Variants in VSX1 observed in about 807,000 individuals in gnomAD.
VSX1 encodes visual system homeobox 1, also known as homeodomain protein RINX.
In VSX1, 23 loss-of-function variants were observed where a neutral mutation model predicts 23.6. The observed-to-expected ratio is 0.97, with a 90% CI of 0.70 to 1.38. The LOEUF is 1.38. Among genes scored for constraint, VSX1 ranks in the 40% most tolerant of loss-of-function variants. The probability of loss-of-function intolerance (pLI) is 0.00; values close to 1 mark genes in which losing one functional copy is unlikely to be tolerated. For missense variants in VSX1, 517 were observed against 495.4 expected (o/e 1.04, Z -0.41); for synonymous variants, 247 against 215.1 (o/e 1.15, Z -1.30).
chr20:25,077,919 C>A (rs999481935), intron 3 of VSX1, 54 bp from the exon 4 acceptor site: 2 of 1,543,058 alleles, frequency 1.3e-6, no homozygotes, highest in African/African-American at 1.4e-5. Context: ...TGAAGAGGGG[C>A]GCCTGGAGGA....
downstream of VSX1, chr20:25,071,870 T>C: frequency 4.2e-6 from 3 of 716,114 alleles, no homozygotes; most frequent in Non-Finnish European, 7.8e-6. Context: ...GGCAGAACAA[T>C]GCTACCTGAG....
At chr20:25,078,990 C>A in intron 2 of VSX1, 38 bp from the exon 3 acceptor site, 1 of 1,612,342 alleles carries the variant, frequency 6.2e-7, no homozygotes, top group Non-Finnish European at 8.5e-7. Context: ...GGCACATGTC[C>A]CCTGGGGACA....
Position 25,076,084 on chromosome 20 carries a change from A to C in VSX1, c.*177T>G. 1 of 811,202 alleles carries C rather than the reference A, an allele frequency of 1.2e-6. No homozygotes were observed. Among genetic ancestry groups the C allele is most frequent in the East Asian group, 2.6e-5 (1 of 38,016 alleles). The allele number at this position is 811,202 out of a possible 1,614,324, so 50.3% of individuals were successfully genotyped here. A position where few individuals can be genotyped will look rare whatever the true frequency, so the allele number is the denominator to read the frequency against. On this transcript the variant is annotated 3_prime_UTR_variant, in exon 5 of 5. Transcript: ENST00000376709. ...AACCGTTTCCATTCTAGAATGAAAT[A>C]GAATTTTCCCTAGGTCACTCATCTG...
In VSX1 at chr20:25,081,677, C is replaced by G. The variant is rs1036494912; in HGVS notation, c.420G>C (p.Thr140=). ...GGAAAGCGCGGGCCTGATTACCGGA[C>G]GTGGAGACGCTGTCGCTGCGCTTCT... ...GRQKRSDSVS[T]SDEDSQSEDR... Residue 140 remains threonine (T), a synonymous_variant, in exon 1 of 5, where the codon ACG becomes ACC. Coordinates refer to ENST00000376709, the MANE Select transcript of VSX1 (RefSeq NM_014588.6). 9 of 1,517,674 alleles carry G rather than the reference C, an allele frequency of 5.9e-6. No homozygotes were observed. The highest frequency in any genetic ancestry group is 7.9e-6 in the Non-Finnish European group (9 of 1,139,686). The allele number at this position is 1,517,674 out of a possible 1,614,324, so 94.0% of individuals were successfully genotyped here. A position where few individuals can be genotyped will look rare whatever the true frequency, so the allele number is the denominator to read the frequency against.
chr20:25,081,069 G>A (rs182809291), intron 1 of VSX1, among the ~76,000 whole-genome samples: 119 of 152,350 alleles, frequency 7.8e-4, no homozygotes, highest in African/African-American at 2.8e-3. Flanking sequence ...ATCTCTAGGC[G>A]TAACTACAAT....
At position 25,079,464 on chromosome 20, in the gene VSX1, A is replaced by T. The variant is rs74315434; in HGVS notation, c.475T>A (p.Leu159Met). Reference sequence around the variant, plus strand: ...TGCCGCCGCTTCTTCCTCTTGCCCAAGGTGGGGGATGCCTTTAGGTCATTC... The same window carrying T: ...TGCCGCCGCTTCTTCCTCTTGCCCATGGTGGGGGATGCCTTTAGGTCATTC... ...DRNDLKASPT[L>M]GKRKKRRHRT... Residue 159 changes from leucine to methionine, a missense_variant, in exon 2 of 5, where the codon TTG becomes ATG. Coordinates refer to ENST00000376709, the MANE Select transcript of VSX1 (RefSeq NM_014588.6). 142 of 1,612,832 alleles carry T rather than the reference A, an allele frequency of 8.8e-5. No homozygotes were observed. Among genetic ancestry groups the T allele is most frequent in the Non-Finnish European group, 1.2e-4 (141 of 1,179,786 alleles).
intron 1 of VSX1, 148 bp downstream of exon 1, chr20:25,081,525 C>A (rs1358606438): frequency 3.3e-6 from 4 of 1,217,404 alleles, no homozygotes; most frequent in Non-Finnish European, 4.8e-6. Context: ...TCCGCGAATG[C>A]CCCTCCCGCG....
At chr20:25,078,775 G>T in intron 3 of VSX1, 54 bp downstream of exon 3, 1 of 1,614,160 alleles carries the variant, frequency 6.2e-7, no homozygotes, top group South Asian at 1.1e-5. Context: ...CTGAATGTGG[G>T]AATGACACGT....
At chr20:25,072,641 C>T (rs2089403682), downstream of VSX1, 1 of 471,006 alleles carries the variant, frequency 2.1e-6, no homozygotes, top group Non-Finnish European at 4.4e-6. Context: ...AATGTCTCAC[C>T]CTCTGAGAAT....
downstream of VSX1, among the ~76,000 whole-genome samples, chr20:25,073,215 C>T (rs963298811): frequency 3.4e-5 from 5 of 147,526 alleles, no homozygotes; most frequent in South Asian, 2.2e-4. Context: ...ATTGAGAAAG[C>T]GGTGTTAATA....
rs552418020 is a variant in VSX1, at chr20:25,075,625, A to T, written c.*636T>A. The T allele has an allele frequency of 4.6e-5, 7 of 152,516 alleles. No homozygotes were observed. In the East Asian group the frequency reaches 1.3e-3, roughly 29 times the overall value. The allele number at this position is 152,516 out of a possible 1,614,324, so 9.4% of individuals were successfully genotyped here. A position where few individuals can be genotyped will look rare whatever the true frequency, so the allele number is the denominator to read the frequency against. ...CTAAAAACACTGTTTCCAGCTATCC[A>T]ACAATTGTTTAAATATGATCCCATG... On this transcript the variant is annotated 3_prime_UTR_variant, in exon 5 of 5. Coordinates refer to ENST00000376709, the MANE Select transcript of VSX1 (RefSeq NM_014588.6).
intron 1 of VSX1, 27 bp downstream of exon 1, chr20:25,081,646 A>G: frequency 6.5e-7 from 1 of 1,527,832 alleles, no homozygotes; most frequent in Non-Finnish European, 8.7e-7. Flanking sequence ...GGACAGGGGC[A>G]GGAGCGGAAA....
At position 25,078,266 on chromosome 20, in the gene VSX1, G is replaced by A. The variant is rs1416632214; in HGVS notation, c.628-401C>T. 2.6e-5 allele frequency among the ~76,000 whole-genome samples: 4 copies of A among 152,336 alleles called. No individual in the cohort carries two copies. The East Asian group carries it at 7.7e-4, about 29-fold the overall frequency. On this transcript the variant is annotated intron_variant, in intron 3 of 4. Transcript: ENST00000376709. Reference sequence around the variant, plus strand: ...GGGGCACTGGCTCCTTCCGAGCTTAGGCTATTGGGTTGCTGGTGATATTTC... The same window carrying A: ...GGGGCACTGGCTCCTTCCGAGCTTAAGCTATTGGGTTGCTGGTGATATTTC...
Position 25,076,446 on chromosome 20 carries a change from C to A in VSX1, c.913G>T (p.Glu305Ter), listed in dbSNP as rs746231810. ...DHFKEGSSQS[E>*]SGSQRGSDKV... ...TCTGAGCCTCTCTGTGATCCTGACT[C>A]ACTCTGGCTAGAACCTTCTTTGAAG... The change falls in exon 5 of 5, where the codon GAG (glutamate) becomes TAG (stop). Residue 305 changes from glutamate to a stop codon, truncating the protein, a stop_gained. Transcript: ENST00000376709. LOFTEE classifies it low-confidence loss of function (END_TRUNC). 3.3e-5 allele frequency: 54 copies of A among 1,614,078 alleles called. No homozygotes were observed. The highest frequency in any genetic ancestry group is 4.5e-5 in the Non-Finnish European group (53 of 1,180,044).
chr20:25,078,967 A>G lies in VSX1; in HGVS notation c.504-15T>C. Reference sequence around the variant, plus strand: ...TGAAAACTGTCCTGCAAGGACCCCAAAACACACAGGTGGGCACATGTCCCC... The same window carrying G: ...TGAAAACTGTCCTGCAAGGACCCCAGAACACACAGGTGGGCACATGTCCCC... On this transcript the variant is annotated splice_polypyrimidine_tract_variant and intron_variant, in intron 2 of 4. Transcript: ENST00000376709. 7 of 1,613,196 alleles carry G rather than the reference A, an allele frequency of 4.3e-6. No individual in the cohort carries two copies. Among genetic ancestry groups the G allele is most frequent in the Non-Finnish European group, 5.9e-6 (7 of 1,180,010 alleles).
intron 1 of VSX1, among the ~76,000 whole-genome samples, chr20:25,081,216 T>C (rs1005843147): frequency 6.8e-6 from 1 of 147,952 alleles, no homozygotes; most frequent in Admixed American, 7.0e-5. Context: ...CCCGTACTCT[T>C]CCAGGACCCG....
chr20:25,081,467 G>A, intron 1 of VSX1: 1 of 852,920 alleles, frequency 1.2e-6, no homozygotes, highest in East Asian at 2.4e-5. Flanking sequence ...ACAGGACCCC[G>A]GATGAGAGGC....
downstream of VSX1, among the ~76,000 whole-genome samples, chr20:25,073,716 T>C (rs1410584745): frequency 1.3e-5 from 2 of 152,182 alleles, no homozygotes; most frequent in Non-Finnish European, 1.5e-5. Flanking sequence ...AATGTGGCCA[T>C]AGGTAATCTC....
rs2089650158 is a variant in VSX1, at chr20:25,081,764, G to A, written c.333C>T (p.Pro111=). Residue 111 remains proline, a synonymous_variant, in exon 1 of 5, where the codon CCC becomes CCT. Transcript: ENST00000376709. The stretch of plus-strand genomic sequence containing the variant: ...GCGGGGCAGCGGGCTCGGGGCCCCT[G>A]GGCGGCAGGAACGGCACGTCCGCTA... The part of the protein sequence containing the change: ...LLLADVPFLP[P]RGPEPAAPLA... 6.7e-7 allele frequency: 1 copy of A among 1,500,466 alleles called. No homozygotes were observed. The highest frequency in any genetic ancestry group is 2.7e-5 in the East Asian group (1 of 37,556). 92.9% of individuals were successfully genotyped at this position (1,500,466 alleles called of 1,614,324 possible). A position where few individuals can be genotyped will look rare whatever the true frequency, so the allele number is the denominator to read the frequency against.
Sources: gnomAD v4.1 joint callset for allele counts (sites outside exome capture counted in the v4.1 genomes callset) on GRCh38, gnomAD v4.1.1 for gene constraint, MANE v1.5 for transcripts, NCBI Gene and HGNC (gene_info 2026-07-23, HGNC 2026-07-21) for gene names.